The following CPEB1 variants were observed in gnomAD, a reference collection of about 807,000 sequenced individuals.
CPEB1 encodes cytoplasmic polyadenylation element binding protein 1.
A neutral mutation model predicts 65.8 loss-of-function variants in CPEB1; 7 were observed. The observed-to-expected ratio is 0.11, with a 90% CI of 0.06 to 0.20. CPEB1 has a LOEUF of 0.20. Among genes scored for constraint, CPEB1 ranks in the 10% least tolerant of loss-of-function variants. The probability of loss-of-function intolerance (pLI) is 1.00; values close to 1 mark genes in which losing one functional copy is unlikely to be tolerated. For synonymous variants in CPEB1, 262 were observed against 260.0 expected (o/e 1.01, Z -0.08); for missense variants, 551 against 712.2 (o/e 0.77, Z 2.58).
chr15:82,589,264 G>A (rs2042033805), intron 3 of CPEB1, among the ~76,000 whole-genome samples: 1 of 152,194 alleles, frequency 6.6e-6, no homozygotes. Context: ...TAATACTCCT[G>A]CTCTGGCCTT....
intron 3 of CPEB1, among the ~76,000 whole-genome samples, chr15:82,612,900 A>T (rs556886227): frequency 1.3e-5 from 2 of 152,266 alleles, no homozygotes; most frequent in East Asian, 3.9e-4. Context: ...TCCACATTTT[A>T]AAAACTGTTC....
chr15:82,600,897 CTTTTTTT>C (rs751843256), intron 3 of CPEB1, among the ~76,000 whole-genome samples: 104 of 64,182 alleles, frequency 1.6e-3, no homozygotes, highest in African/African-American at 4.8e-3. Context: ...CAGAACTTGT[CTTTTTTT>C]TTTTTTTTTT....
chr15:82,586,313 T>C (rs2041797124), intron 3 of CPEB1, among the ~76,000 whole-genome samples: 1 of 151,738 alleles, frequency 6.6e-6, no homozygotes, highest in African/African-American at 2.4e-5. Flanking sequence ...AATGAGTTCT[T>C]ATACTGTGGC....
chr15:82,553,862 C>G lies in CPEB1; in HGVS notation c.1054+16G>C. The G allele has an allele frequency of 6.5e-7, 1 of 1,538,658 alleles. No individual in the cohort carries two copies. Among genetic ancestry groups the G allele is most frequent in the Non-Finnish European group, 9.0e-7 (1 of 1,112,312 alleles). ...CCACCCTTCAACTCTTAAAGCAGGT[C>G]TTAGAGACAGCTCACCTTCTGTAAT... is the stretch of plus-strand genomic sequence containing the variant. On this transcript the variant is annotated intron_variant, in intron 7 of 12. Coordinates refer to ENST00000684509, the MANE Select transcript of CPEB1 (RefSeq NM_001365242.1).
At chr15:82,647,763 G>C (rs1404820861), upstream of CPEB1, 7 of 1,123,598 alleles carry the variant, frequency 6.2e-6, no homozygotes, top group East Asian at 3.5e-5. Context: ...CGGGGGATGG[G>C]GGTACCGCGG....
intron 1 of CPEB1, among the ~76,000 whole-genome samples, chr15:82,645,778 G>A (rs935054234): frequency 1.3e-5 from 2 of 152,048 alleles, no homozygotes; most frequent in African/African-American, 4.8e-5. Flanking sequence ...TGAGGCAGGA[G>A]AATCGCTTGA....
At chr15:82,582,910 T>G (rs2041432855) in intron 3 of CPEB1, among the ~76,000 whole-genome samples, 2 of 151,596 alleles carry the variant, frequency 1.3e-5, no homozygotes, top group Non-Finnish European at 2.9e-5. Context: ...GACAGCTAAT[T>G]TTTTGTATTT....
At chr15:82,645,859 C>G (rs1476570645) in intron 1 of CPEB1, among the ~76,000 whole-genome samples, 1 of 143,148 alleles carries the variant, frequency 7.0e-6, no homozygotes, top group African/African-American at 2.5e-5. Flanking sequence ...CAGGGCAAGA[C>G]TCCCTCTCAA....
At chr15:82,640,128 T>C (rs750100770) in intron 1 of CPEB1, among the ~76,000 whole-genome samples, 7 of 152,092 alleles carry the variant, frequency 4.6e-5, no homozygotes, top group Middle Eastern at 3.2e-3. Context: ...GGCACTGTCT[T>C]GGGGGACCAG....
chr15:82,572,783 C>T (rs1417602488), intron 3 of CPEB1, among the ~76,000 whole-genome samples: 2 of 152,204 alleles, frequency 1.3e-5, no homozygotes, highest in African/African-American at 4.8e-5. Flanking sequence ...CCTCTAACAT[C>T]CAGGCCCTCT....
intron 3 of CPEB1, among the ~76,000 whole-genome samples, chr15:82,602,273 A>G (rs76964871): frequency 2.0e-5 from 3 of 152,338 alleles, no homozygotes; most frequent in East Asian, 3.9e-4. Context: ...AAGACATCCA[A>G]TGGAAATTAG....
intron 3 of CPEB1, among the ~76,000 whole-genome samples, chr15:82,576,229 G>C (rs187317592): frequency 2.6e-5 from 4 of 152,324 alleles, no homozygotes; most frequent in Admixed American, 2.0e-4. Flanking sequence ...CCACTTATTT[G>C]AATTTTTAGA....
chr15:82,592,071 G>A (rs1189108971), intron 3 of CPEB1, among the ~76,000 whole-genome samples: 1 of 151,020 alleles, frequency 6.6e-6, no homozygotes, highest in East Asian at 2.0e-4. Context: ...CTCGAACTCT[G>A]GCTCAATTGA....
At chr15:82,607,366 T>A (rs2043718877) in intron 3 of CPEB1, among the ~76,000 whole-genome samples, 1 of 152,140 alleles carries the variant, frequency 6.6e-6, no homozygotes, top group African/African-American at 2.4e-5. Flanking sequence ...GGCAGGTGGA[T>A]CACCTGAGGT....
At chr15:82,644,448 G>C (rs2047338127) in intron 1 of CPEB1, among the ~76,000 whole-genome samples, 1 of 152,206 alleles carries the variant, frequency 6.6e-6, no homozygotes, top group Admixed American at 6.5e-5. Context: ...CAAAACAGCG[G>C]GGAAATCCAA....
At chr15:82,645,114 G>A (rs1291518224) in intron 1 of CPEB1, among the ~76,000 whole-genome samples, 2 of 152,196 alleles carry the variant, frequency 1.3e-5, no homozygotes, top group East Asian at 1.9e-4. Flanking sequence ...CTAGACCAGG[G>A]AGTTGTTTAC....
At chr15:82,646,663 G>A (rs950352239) in intron 1 of CPEB1, among the ~76,000 whole-genome samples, 18 of 152,266 alleles carry the variant, frequency 1.2e-4, no homozygotes, top group African/African-American at 3.8e-4. Flanking sequence ...GGCTTTTCTC[G>A]GTCACGGGGT....
chr15:82,635,644 T>G (rs2046595693), intron 1 of CPEB1, among the ~76,000 whole-genome samples: 1 of 152,130 alleles, frequency 6.6e-6, no homozygotes. Context: ...GATGTTGAGA[T>G]TACAGATATG....
At chr15:82,630,605 C>CA (rs1195849573) in intron 1 of CPEB1, among the ~76,000 whole-genome samples, 117 of 144,964 alleles carry the variant, frequency 8.1e-4, no homozygotes, top group East Asian at 7.4e-3. Context: ...GACCCTGTCT[C>CA]AAAAAAAAAA....
Sources: allele counts gnomAD v4.1 joint callset (sites outside exome capture counted in the v4.1 genomes callset), GRCh38; gene constraint gnomAD v4.1.1; transcripts MANE v1.5; gene names NCBI Gene and HGNC (gene_info 2026-07-23, HGNC 2026-07-21).